Variants in PHF14 observed in about 807,000 individuals in gnomAD.
The protein encoded by PHF14 is PHD finger protein 14.
PHF14 carries 55 observed loss-of-function variants against 117.9 expected under a neutral mutation model. The observed-to-expected ratio is 0.47, with a 90% CI of 0.38 to 0.58. The LOEUF is 0.58. PHF14 is among the 20% of genes least tolerant of loss of function. The pLI is 0.00. For missense variants in PHF14, 978 were observed against 1,122.2 expected, an observed-to-expected ratio of 0.87 and a Z score of 1.84; for synonymous variants, 409 against 368.6, an observed-to-expected ratio of 1.11 and a Z score of -1.26.
At chr7:11,153,823 G>T (rs1343864769) in intron 17 of PHF14, among the ~76,000 whole-genome samples, 2 of 152,138 alleles carry the variant, frequency 1.3e-5, no homozygotes, top group Non-Finnish European at 2.9e-5. Flanking sequence ...CATTGTCAGT[G>T]TGTTGACTTT....
At chr7:11,081,402 T>G (rs1219428307) in intron 16 of PHF14, among the ~76,000 whole-genome samples, 1 of 152,162 alleles carries the variant, frequency 6.6e-6, no homozygotes, top group Non-Finnish European at 1.5e-5. Context: ...TAGTGAAAAA[T>G]ATTTGGAACC....
chr7:11,068,255 G>T (rs1583431531), intron 16 of PHF14, among the ~76,000 whole-genome samples: 2 of 148,688 alleles, frequency 1.3e-5, no homozygotes, highest in Admixed American at 7.0e-5. Context: ...GGAGGCTGAG[G>T]CAGGAGAATG....
intron 17 of PHF14, among the ~76,000 whole-genome samples, chr7:11,160,128 C>G (rs925156562): frequency 2.0e-5 from 3 of 152,012 alleles, no homozygotes; most frequent in Non-Finnish European, 4.4e-5. Context: ...CCCTGTGTAC[C>G]CAATGTGCTC....
At chr7:11,088,584 AT>A (rs1786513436) in intron 16 of PHF14, among the ~76,000 whole-genome samples, 1 of 151,848 alleles carries the variant, frequency 6.6e-6, no homozygotes, top group South Asian at 2.1e-4. Context: ...GAAGAATTTC[AT>A]TTTCTTACTG....
At chr7:11,024,574 T>A (rs1783848149) in intron 6 of PHF14, among the ~76,000 whole-genome samples, 1 of 152,112 alleles carries the variant, frequency 6.6e-6, no homozygotes, top group Non-Finnish European at 1.5e-5. Context: ...TCCTATACTA[T>A]TGTGAAAATC....
chr7:11,106,989 T>A (rs1787290285), intron 16 of PHF14: 2 of 982,886 alleles, frequency 2.0e-6, no homozygotes, highest in African/African-American at 3.5e-5. Context: ...TTCAAGTCTA[T>A]GTTATGGATT....
At chr7:11,116,254 CT>C (rs1466768461) in intron 17 of PHF14, among the ~76,000 whole-genome samples, 1 of 151,982 alleles carries the variant, frequency 6.6e-6, no homozygotes, top group Non-Finnish European at 1.5e-5. Flanking sequence ...AGCTTATCTA[CT>C]GTCTCTATCT....
rs527254897 is a variant in PHF14 at position 11,157,812 on chromosome 7, A to C, written c.2773-11604A>C. Among the ~76,000 whole-genome samples the C allele has an allele frequency of 4.6e-5, 7 of 152,320 alleles. No homozygotes were observed. In the South Asian group the frequency reaches 1.5e-3, roughly 32 times the overall value. ...TAGTGTGGAGTCTGTAATGAGCTGA[A>C]ATCATAGAAATACTGAAACCCCATT... On this transcript the variant is annotated intron_variant, in intron 17 of 17. Transcript: ENST00000634607.
At position 11,051,762 on chromosome 7, in the gene PHF14, G is replaced by A. The variant is rs1457005372; in HGVS notation, c.2463G>A (p.Lys821=). Residue 821 remains lysine, a synonymous_variant, in exon 14 of 18, where the codon AAG becomes AAA. Transcript: ENST00000634607. ...AGGATGTGCCACCAGAACCCAAGAA[G>A]ATTCCGATAAGAAACACGGTAGTTT... ...VPQDVPPEPK[K]IPIRNTRTRG... is the part of the protein sequence containing the mutation. 1.9e-6 allele frequency: 3 copies of A among 1,613,266 alleles called. No homozygotes were observed. The East Asian group carries it at 6.7e-5, about 36-fold the overall frequency.
intron 3 of PHF14, among the ~76,000 whole-genome samples, chr7:10,984,852 T>C (rs1037711050): frequency 2.6e-5 from 4 of 152,290 alleles, no homozygotes; most frequent in Middle Eastern, 3.4e-3. Flanking sequence ...GAAGACACTT[T>C]AGTAAATAAA....
intron 4 of PHF14, among the ~76,000 whole-genome samples, chr7:11,001,266 T>C (rs1782862971): frequency 6.6e-6 from 1 of 152,186 alleles, no homozygotes; most frequent in Non-Finnish European, 1.5e-5. Flanking sequence ...ATCTATTCTT[T>C]GATTAATACC....
chr7:11,072,545 C>G (rs1474195253), intron 16 of PHF14, among the ~76,000 whole-genome samples: 6 of 152,184 alleles, frequency 3.9e-5, no homozygotes, highest in African/African-American at 1.4e-4. Flanking sequence ...AGTACCTACT[C>G]CATAGATTGT....
intron 4 of PHF14, among the ~76,000 whole-genome samples, chr7:11,001,252 A>G (rs931683939): frequency 6.6e-6 from 1 of 152,148 alleles, no homozygotes; most frequent in African/African-American, 2.4e-5. Context: ...CAACTGACCT[A>G]TATATCTATT....
intron 5 of PHF14, among the ~76,000 whole-genome samples, chr7:11,014,586 A>G (rs751597615): frequency 6.6e-6 from 1 of 152,136 alleles, no homozygotes; most frequent in East Asian, 1.9e-4. Context: ...GGGACTGTGT[A>G]TATAGCTGGG....
At chr7:11,058,489 T>C (rs1480878307) in intron 14 of PHF14, among the ~76,000 whole-genome samples, 1 of 152,204 alleles carries the variant, frequency 6.6e-6, no homozygotes, top group Admixed American at 6.5e-5. Flanking sequence ...TTCTCTTTTA[T>C]TTTTTTCTTT....
At chr7:11,003,862 C>A (rs114870424) in intron 4 of PHF14, among the ~76,000 whole-genome samples, 1,802 of 152,304 alleles carry the variant, frequency 0.012, 40 homozygotes, top group African/African-American at 0.041. Context: ...TCTACCCCAT[C>A]TGTTGTACCT....
intron 17 of PHF14, among the ~76,000 whole-genome samples, chr7:11,149,361 C>G (rs1321380153): frequency 6.6e-6 from 1 of 152,082 alleles, no homozygotes; most frequent in East Asian, 1.9e-4. Flanking sequence ...AATTCAGATT[C>G]TAACTCTACC....
At chr7:11,038,916 A>T in intron 11 of PHF14, 61 bp downstream of exon 11, 1 of 737,958 alleles carries the variant, frequency 1.4e-6, no homozygotes, top group Non-Finnish European at 2.2e-6. Flanking sequence ...TTTTCAAAGA[A>T]CAGATTTTTG....
At chr7:10,985,524 T>C (rs1208994592) in intron 3 of PHF14, among the ~76,000 whole-genome samples, 3 of 152,106 alleles carry the variant, frequency 2.0e-5, no homozygotes, top group Non-Finnish European at 4.4e-5. Context: ...ACTTGATATT[T>C]ATTTTAGCAG....
Sources: gnomAD v4.1 joint callset for allele counts (sites outside exome capture counted in the v4.1 genomes callset) on GRCh38, gnomAD v4.1.1 for gene constraint, MANE v1.5 for transcripts, NCBI Gene and HGNC (gene_info 2026-07-23, HGNC 2026-07-21) for gene names.